The following PTBP3 variants were observed in gnomAD, a reference collection of about 807,000 sequenced individuals.
The protein encoded by PTBP3 is polypyrimidine tract-binding protein 3.
A neutral mutation model predicts 58.7 loss-of-function variants in PTBP3; 20 were observed. The observed-to-expected ratio is 0.34, with a 90% CI of 0.24 to 0.50. The LOEUF (loss-of-function observed/expected upper bound fraction) is 0.50. Ranked by LOEUF, PTBP3 falls within the 20% of genes least tolerant of loss-of-function variation. The pLI is 0.98. For synonymous variants in PTBP3, 185 were observed against 219.8 expected, an observed-to-expected ratio of 0.84 and a Z score of 1.40; for missense variants, 509 against 637.2, an observed-to-expected ratio of 0.80 and a Z score of 2.17.
Position 112,223,634 on chromosome 9 carries a change from G to T in PTBP3, c.*217C>A. On this transcript the variant is annotated 3_prime_UTR_variant, in exon 14 of 14. Coordinates refer to ENST00000374257, the MANE Select transcript of PTBP3 (RefSeq NM_001163788.4). ...TTTCTTTTTCCTGAAGGTTATTTTT[G>T]TAGAAACCATGGTAAAAAGGGAAAA... is the stretch of plus-strand genomic sequence containing the variant. 1 of 1,255,326 alleles carries T rather than the reference G, an allele frequency of 8.0e-7. No individual in the cohort carries two copies. The highest frequency in any genetic ancestry group is 1.0e-6 in the Non-Finnish European group (1 of 995,138). 77.8% of individuals were successfully genotyped at this position (1,255,326 alleles called of 1,614,324 possible).
At chr9:112,345,680 CA>C in the PTBP3 span, among the ~76,000 whole-genome samples, 5 of 149,866 alleles carry the variant, frequency 3.3e-5, no homozygotes, top group Admixed American at 2.7e-4. Context: ...AACACCTGGC[CA>C]AAAAAAAGTA....
chr9:112,315,277 C>G (rs143621079), intron 1 of PTBP3, among the ~76,000 whole-genome samples: 187 of 151,440 alleles, frequency 1.2e-3, no homozygotes, highest in African/African-American at 4.4e-3. Context: ...AACATCTTAT[C>G]TGATCAAAGT....
intron 11 of PTBP3, among the ~76,000 whole-genome samples, chr9:112,228,026 T>G (rs1251988427): frequency 6.6e-6 from 1 of 152,148 alleles, no homozygotes; most frequent in Admixed American, 6.6e-5. Context: ...CATTACAAAG[T>G]TTGCCCAAAC....
In PTBP3 at chr9:112,262,455, T is replaced by C; in HGVS notation, c.496A>G (p.Thr166Ala). Reference protein sequence around the residue: ...IIIENLFYPVTLEVLHQIFSK... With the variant: ...IIIENLFYPVALEVLHQIFSK... ...CTTACCTGATGAAGAACTTCCAGGGTAACAGGGTAAAAGAGGTTTTCAATA... is the reference window on the plus strand; with the variant it reads ...CTTACCTGATGAAGAACTTCCAGGGCAACAGGGTAAAAGAGGTTTTCAATA... The change falls in exon 5 of 14, where the codon ACC becomes GCC. Residue 166 changes from threonine (T) to alanine (A), a missense_variant. Transcript: ENST00000374257. 1 of 1,602,890 alleles carries C rather than the reference T, an allele frequency of 6.2e-7. No individual in the cohort carries two copies. Among genetic ancestry groups the C allele is most frequent in the Non-Finnish European group, 8.5e-7 (1 of 1,176,234 alleles).
chr9:112,343,306 T>G, the PTBP3 span, among the ~76,000 whole-genome samples: 1 of 151,672 alleles, frequency 6.6e-6, no homozygotes, highest in African/African-American at 2.4e-5. Context: ...CCTCCCGGGT[T>G]CAAGTGATTC....
At chr9:112,230,763 A>G (rs989041254) in intron 10 of PTBP3, among the ~76,000 whole-genome samples, 2 of 152,214 alleles carry the variant, frequency 1.3e-5, no homozygotes, top group Non-Finnish European at 2.9e-5. Flanking sequence ...TCCTTAATAA[A>G]AATCTTTAAA....
chr9:112,270,441 A>C lies in PTBP3; in HGVS notation c.205-2246T>G, dbSNP rs1771285446. Among the ~76,000 whole-genome samples the C allele has an allele frequency of 2.0e-5, 3 of 152,222 alleles. No individual in the cohort carries two copies. In the South Asian group the frequency reaches 6.2e-4, roughly 31 times the overall value. On this transcript the variant is annotated intron_variant, in intron 3 of 13. Transcript: ENST00000374257. Reference sequence around the variant, plus strand: ...AATCACACTAAACTGGCCAGAAAAGAGTGCTATTTGGGGAATATCAAGTTT... The same window carrying C: ...AATCACACTAAACTGGCCAGAAAAGCGTGCTATTTGGGGAATATCAAGTTT...
chr9:112,254,761 A>C (rs1836277708), intron 5 of PTBP3, among the ~76,000 whole-genome samples: 1 of 152,218 alleles, frequency 6.6e-6, no homozygotes, highest in Non-Finnish European at 1.5e-5. Flanking sequence ...ACCCCTGTGC[A>C]CTGTTGGTAG....
Position 112,275,841 on chromosome 9 carries a change from T to C in PTBP3, c.204+3A>G. On this transcript the variant is annotated splice_donor_region_variant and intron_variant, in intron 3 of 13. Transcript: ENST00000374257. The stretch of plus-strand genomic sequence containing the variant: ...TCTTTGTCAATCTTTAAATATTACA[T>C]ACCTGGCTTTTTCCTTTCAACATCA... 1.2e-6 allele frequency: 2 copies of C among 1,600,514 alleles called. No homozygotes were observed. The highest frequency in any genetic ancestry group is 1.7e-6 in the Non-Finnish European group (2 of 1,168,124).
At chr9:112,297,604 A>G (rs1351052144) in intron 2 of PTBP3, among the ~76,000 whole-genome samples, 4 of 152,238 alleles carry the variant, frequency 2.6e-5, no homozygotes, top group Non-Finnish European at 5.9e-5. Context: ...AAAGAACATC[A>G]ATCAAAAAAC....
chr9:112,231,960 AAGAGAAG>A (rs1380540664), intron 9 of PTBP3, 132 bp downstream of exon 9: 35 of 352,512 alleles, frequency 9.9e-5, no homozygotes, highest in Non-Finnish European at 1.4e-4. Flanking sequence ...AAGAGAAGAG[AAGAGAAG>A]AGAGAAGAGA....
At chr9:112,362,761 GAGCAAGA>G in the PTBP3 span, 5 of 249,124 alleles carry the variant, frequency 2.0e-5, no homozygotes, top group Admixed American at 8.9e-5. Context: ...TCAAAAAGAG[GAGCAAGA>G]AGTTCATTCA....
chr9:112,283,332 C>T lies in PTBP3; in HGVS notation c.35-7319G>A, dbSNP rs565058996. On this transcript the variant is annotated intron_variant, in intron 2 of 13. Coordinates refer to ENST00000374257, the MANE Select transcript of PTBP3 (RefSeq NM_001163788.4). Reference sequence around the variant, plus strand: ...GAACTTCCTAGAGACTTGTTGAATACTTTTGACCAAAATGCTGATAGTGGT... The same window carrying T: ...GAACTTCCTAGAGACTTGTTGAATATTTTTGACCAAAATGCTGATAGTGGT... Among the ~76,000 whole-genome samples, 392 of 152,264 alleles carry T rather than the reference C, an allele frequency of 2.6e-3. 1 individual carries two copies. The highest frequency in any genetic ancestry group is 8.9e-3 in the African/African-American group (370 of 41,550).
intron 7 of PTBP3, among the ~76,000 whole-genome samples, chr9:112,240,337 G>A (rs1312548149): frequency 2.0e-5 from 3 of 152,062 alleles, no homozygotes; most frequent in Non-Finnish European, 4.4e-5. Flanking sequence ...TTGATATACT[G>A]TCATGTGCAG....
Position 112,219,934 on chromosome 9 carries a change from CT to C in PTBP3, c.*3916del. On this transcript the variant is annotated 3_prime_UTR_variant, in exon 14 of 14. Coordinates refer to ENST00000374257, the MANE Select transcript of PTBP3 (RefSeq NM_001163788.4). ...TAGTCTTGTAGATAACAACACAACT[CT>C]TTTAAAAGACAGCTGAGTTATATTT... 2 of 400,926 alleles carry C rather than the reference CT, an allele frequency of 5.0e-6. No individual in the cohort carries two copies. Among genetic ancestry groups the C allele is most frequent in the Non-Finnish European group, 7.2e-6 (2 of 279,510 alleles). The allele number at this position is 400,926 out of a possible 1,614,324, so 24.8% of individuals were successfully genotyped here. A position where few individuals can be genotyped will look rare whatever the true frequency, so the allele number is the denominator to read the frequency against.
At chr9:112,328,863 C>T (rs916781141) in intron 1 of PTBP3, among the ~76,000 whole-genome samples, 3 of 152,130 alleles carry the variant, frequency 2.0e-5, no homozygotes, top group African/African-American at 7.2e-5. Flanking sequence ...AATTTGCTAA[C>T]AAGAAGAGAT....
At position 112,222,579 on chromosome 9, in the gene PTBP3, A is replaced by G. The variant is rs937179415; in HGVS notation, c.*1272T>C. 12 of 985,644 alleles carry G rather than the reference A, an allele frequency of 1.2e-5. No homozygotes were observed. The highest frequency in any genetic ancestry group is 1.4e-5 in the Non-Finnish European group (12 of 829,826). 61.1% of individuals were successfully genotyped at this position (985,644 alleles called of 1,614,324 possible). On this transcript the variant is annotated 3_prime_UTR_variant, in exon 14 of 14. Coordinates refer to ENST00000374257, the MANE Select transcript of PTBP3 (RefSeq NM_001163788.4). ...TACAGGTGTGCACTGAATTATTCCC[A>G]AAACCATTCACCCTTCCCCACACCG... is the stretch of plus-strand genomic sequence containing the variant.
At chr9:112,326,491 GCAAA>G (rs1420453236) in intron 1 of PTBP3, among the ~76,000 whole-genome samples, 1 of 152,188 alleles carries the variant, frequency 6.6e-6, no homozygotes, top group East Asian at 1.9e-4. Flanking sequence ...CCTTGGTCAA[GCAAA>G]CAGAAAACTA....
At chr9:112,376,814 C>T in the PTBP3 span, among the ~76,000 whole-genome samples, 2 of 152,162 alleles carry the variant, frequency 1.3e-5, no homozygotes, top group African/African-American at 4.8e-5. Flanking sequence ...CCCTTCCCAG[C>T]CCACTGACTC....
Sources: gnomAD v4.1 joint callset for allele counts (sites outside exome capture counted in the v4.1 genomes callset) on GRCh38, gnomAD v4.1.1 for gene constraint, MANE v1.5 for transcripts, NCBI Gene and HGNC (gene_info 2026-07-23, HGNC 2026-07-21) for gene names.